NTRK1: variants seen among roughly 807,000 people sequenced by gnomAD.
The protein encoded by NTRK1 is neurotrophic receptor tyrosine kinase 1.
A neutral mutation model predicts 86.8 loss-of-function variants in NTRK1; 62 were observed. That is an observed-to-expected ratio of 0.71 (90% confidence interval 0.58 to 0.88). The LOEUF (loss-of-function observed/expected upper bound fraction) is 0.88, where lower values mean the gene tolerates loss of function less well. NTRK1 is among the 40% of genes least tolerant of loss of function. NTRK1 has a pLI of 0.00. For missense variants in NTRK1, 967 were observed against 1,078.4 expected, an observed-to-expected ratio of 0.90 and a Z score of 1.45; for synonymous variants, 469 against 456.6, an observed-to-expected ratio of 1.03 and a Z score of -0.35.
At chr1:156,851,801 A>G (rs1297470493) in intron 2 of NTRK1, 1 of 1,603,902 alleles carries the variant, frequency 6.2e-7, no homozygotes. Context: ...AGCAGGAGCA[A>G]GCAGATGTCC....
rs752271128 is a variant in NTRK1 at position 156,875,015 on chromosome 1, C to T, written c.1354+7C>T. On this transcript the variant is annotated splice_region_variant and intron_variant, in intron 11 of 16. Coordinates refer to ENST00000524377, the MANE Select transcript of NTRK1 (RefSeq NM_002529.4). The stretch of plus-strand genomic sequence containing the variant: ...AACAAGTTTGGGATCAACCGTGAGT[C>T]GGGGCTGCAGAGGGCTGTCTGTCTG... 10 of 1,597,232 alleles carry T rather than the reference C, an allele frequency of 6.3e-6. No individual in the cohort carries two copies. The highest frequency in any genetic ancestry group is 2.2e-5 in the South Asian group (2 of 90,730).
chr1:156,845,694 G>T (rs764278231), intron 2 of NTRK1: 1 of 1,613,174 alleles, frequency 6.2e-7, no homozygotes, highest in East Asian at 2.2e-5. Context: ...CTCCAGCGGG[G>T]GCAGAACCTG....
intron 1 of NTRK1, 43 bp downstream of exon 1, chr1:156,861,189 GCAT>G: frequency 6.5e-7 from 1 of 1,529,130 alleles, no homozygotes; most frequent in Non-Finnish European, 8.8e-7. Flanking sequence ...GGACAGGCAG[GCAT>G]TGCAGTGCCC....
chr1:156,861,119 T>C lies in NTRK1; in HGVS notation c.185T>C (p.Leu62Pro), dbSNP rs766307207. ...RDGALDSLHH[L>P]PGAENLTELY... ...GGGGCCCTGGATAGCCTCCACCACC[T>C]GCCCGGCGCAGAGAACCTGACTGAG... The change falls in exon 1 of 17, where the codon CTG becomes CCG. Residue 62 changes from leucine to proline, a missense_variant. Physicochemically the swap from Leu to Pro is moderately conservative, Grantham distance 98. This residue lies in a region of NTRK1 where 330 missense variants were observed against 302.0 expected (regional missense o/e 1.09). Coordinates refer to ENST00000524377, the MANE Select transcript of NTRK1 (RefSeq NM_002529.4). The C allele has an allele frequency of 5.1e-5, 81 of 1,582,254 alleles. 1 individual carries two copies. The Middle Eastern group carries it at 6.9e-4, about 14-fold the overall frequency.
intron 1 of NTRK1, among the ~76,000 whole-genome samples, chr1:156,836,639 G>T (rs1222385758): frequency 6.6e-6 from 1 of 152,176 alleles, no homozygotes; most frequent in Non-Finnish European, 1.5e-5. Context: ...CATGGTGGGA[G>T]TGCTGAAGGT....
intron 2 of NTRK1, chr1:156,845,915 C>G (rs745765076): frequency 6.2e-7 from 1 of 1,602,388 alleles, no homozygotes; most frequent in African/African-American, 1.3e-5. Context: ...CCTTCCCCAC[C>G]CGCCCCGCGG....
intron 2 of NTRK1, chr1:156,846,577 C>T: frequency 4.3e-6 from 7 of 1,614,234 alleles, no homozygotes; most frequent in South Asian, 1.1e-5. Context: ...GAGGGCTGTC[C>T]TCCTCAGTGG....
intron 7 of NTRK1, among the ~76,000 whole-genome samples, chr1:156,872,404 A>G (rs537104446): frequency 6.6e-6 from 1 of 152,074 alleles, no homozygotes; most frequent in Non-Finnish European, 1.5e-5. Flanking sequence ...ATGCTTTCCT[A>G]TCGGTATCAT....
At position 156,848,777 on chromosome 1, in the gene NTRK1, G is replaced by T. The variant is rs1655096052; in HGVS notation, c.50+6584G>T. 6.5e-6 allele frequency: 6 copies of T among 928,006 alleles called. 1 individual carries two copies. In the South Asian group the frequency reaches 1.0e-4, roughly 16 times the overall value. The allele number at this position is 928,006 out of a possible 1,614,324, so 57.5% of individuals were successfully genotyped here. A position where few individuals can be genotyped will look rare whatever the true frequency, so the allele number is the denominator to read the frequency against. On this transcript the variant is annotated intron_variant, in intron 2 of 16. Transcript: ENST00000392302. ...GGTGAGGGAAGAGAGCCAGACCTGGGCCCTACCACGGAGTACAACTTGCGG... is the reference window on the plus strand; with the variant it reads ...GGTGAGGGAAGAGAGCCAGACCTGGTCCCTACCACGGAGTACAACTTGCGG...
At chr1:156,830,348 G>A (rs924254225) in intron 1 of NTRK1, among the ~76,000 whole-genome samples, 5 of 152,168 alleles carry the variant, frequency 3.3e-5, no homozygotes, top group African/African-American at 7.2e-5. Context: ...CCCAGGTTAC[G>A]AGACTGCCAG....
At chr1:156,867,084 G>A (rs1389682902) in intron 4 of NTRK1, 106 bp downstream of exon 4, 6 of 1,184,400 alleles carry the variant, frequency 5.1e-6, no homozygotes, top group Admixed American at 3.5e-5. Flanking sequence ...TGACACTGCT[G>A]GGGGGTCTCT....
rs552398222 is a variant in NTRK1 at position 156,846,534 on chromosome 1, G to A, written c.50+4341G>A. The A allele has an allele frequency of 9.9e-6, 16 of 1,613,920 alleles. No individual in the cohort carries two copies. In the African/African-American group the frequency reaches 1.2e-4, roughly 12 times the overall value. On this transcript the variant is annotated intron_variant, in intron 2 of 16. Coordinates refer to the NTRK1 transcript ENST00000392302. Reference sequence around the variant, plus strand: ...AAATGCCTACCTGCAGGCAGCGTTCGGAGGTAGACGATGGGACTCTGGGCT... The same window carrying A: ...AAATGCCTACCTGCAGGCAGCGTTCAGAGGTAGACGATGGGACTCTGGGCT...
At chr1:156,844,678 G>A in intron 2 of NTRK1, 1 of 1,614,038 alleles carries the variant, frequency 6.2e-7, no homozygotes, top group Non-Finnish European at 8.5e-7. Context: ...ACAAAACGGG[G>A]CTGGGACGGG....
rs2102885134 is a variant in NTRK1 at position 156,864,348 on chromosome 1, C to T, written c.213-6C>T. ...GCCCTGTGACTCCCATCCGCTCTCC[C>T]CACAGCTACATCGAGAACCAGCAGC... On this transcript the variant is annotated splice_polypyrimidine_tract_variant and splice_region_variant and intron_variant, in intron 1 of 16. Transcript: ENST00000524377. 6.2e-6 allele frequency: 10 copies of T among 1,614,106 alleles called. No homozygotes were observed. The highest frequency in any genetic ancestry group is 7.6e-6 in the Non-Finnish European group (9 of 1,179,996).
At position 156,876,182 on chromosome 1, in the gene NTRK1, A is replaced by G. The variant is rs1395947150; in HGVS notation, c.1604A>G (p.Glu535Gly). 6.2e-7 allele frequency: 1 copy of G among 1,614,126 alleles called. No homozygotes were observed. The highest frequency in any genetic ancestry group is 8.5e-7 in the Non-Finnish European group (1 of 1,180,024). Reference protein sequence around the residue: ...FLAECHNLLPEQDKMLVAVKA... With the variant: ...FLAECHNLLPGQDKMLVAVKA... ...GCTGAGTGCCACAACCTCCTGCCTG[A>G]GCAGGACAAGATGCTGGTGGCTGTC... The change falls in exon 13 of 17, where the codon GAG (glutamate) becomes GGG (glycine). Residue 535 changes from glutamate (E) to glycine (G), a missense_variant. Around this residue, in one of 2 missense-constraint regions of NTRK1, gnomAD observed 637 missense variants for 776.5 expected, o/e 0.82. Coordinates refer to ENST00000524377, the MANE Select transcript of NTRK1 (RefSeq NM_002529.4).
chr1:156,830,024 C>G (rs1373903856), intron 1 of NTRK1, among the ~76,000 whole-genome samples: 1 of 152,194 alleles, frequency 6.6e-6, no homozygotes, highest in Non-Finnish European at 1.5e-5. Flanking sequence ...ATTCAATCAC[C>G]TGATTGCCAT....
In NTRK1 at chr1:156,849,488, G is replaced by A. The variant is rs372762384; in HGVS notation, c.50+7295G>A. ...GGGGGAGGCCAGGGGACCTTGCTCT[G>A]CGGGGAGGTGGGGGCAGGGGGTGGG... On this transcript the variant is annotated intron_variant, in intron 2 of 16. Transcript: ENST00000392302. 12 of 1,480,150 alleles carry A rather than the reference G, an allele frequency of 8.1e-6. No homozygotes were observed. In the African/African-American group the frequency reaches 1.1e-4, roughly 14 times the overall value. 91.7% of individuals were successfully genotyped at this position (1,480,150 alleles called of 1,614,324 possible).
chr1:156,846,674 AG>A (rs1228954412), intron 2 of NTRK1: 3 of 1,614,182 alleles, frequency 1.9e-6, no homozygotes, highest in Non-Finnish European at 2.5e-6. Flanking sequence ...GGTGCGGCTT[AG>A]GGGCAGCTCC....
chr1:156,854,847 A>G lies in NTRK1; in HGVS notation c.51-9507A>G, dbSNP rs1347906620. On this transcript the variant is annotated intron_variant, in intron 2 of 16. Transcript: ENST00000392302. The surrounding 1 kb of genome is among the most constrained non-coding windows in gnomAD (Gnocchi z 4.2). ...CAGCCAGAGTGATCTCAAAACACAGATGGATCACGTTTCTCCTCTGCTTAT... is the reference window on the plus strand; with the variant it reads ...CAGCCAGAGTGATCTCAAAACACAGGTGGATCACGTTTCTCCTCTGCTTAT... 6.6e-6 allele frequency among the ~76,000 whole-genome samples: 1 copy of G among 151,908 alleles called. No individual in the cohort carries two copies. Among genetic ancestry groups the G allele is most frequent in the African/African-American group, 2.4e-5 (1 of 41,332 alleles).
Sources: allele counts gnomAD v4.1 joint callset (sites outside exome capture counted in the v4.1 genomes callset), GRCh38; gene constraint gnomAD v4.1.1; regional missense constraint gnomAD v4.1.1; non-coding constraint Gnocchi (gnomAD v3.1); transcripts MANE v1.5; gene names NCBI Gene and HGNC (gene_info 2026-07-23, HGNC 2026-07-21).